PLCG2: variants seen among roughly 807,000 people sequenced by gnomAD.
PLCG2 encodes the protein phospholipase C gamma 2, also known as 1-phosphatidylinositol 4,5-bisphosphate phosphodiesterase gamma-2.
Under a neutral mutation model 175.6 loss-of-function variants are expected in PLCG2, and 69 were observed. The ratio of observed to expected loss-of-function variants is 0.39; its 90% CI spans 0.32 to 0.48. The LOEUF is 0.48. Ranked by LOEUF, PLCG2 falls within the 20% of genes least tolerant of loss-of-function variation. The pLI, the probability that PLCG2 is intolerant of heterozygous loss-of-function variation, is 0.91. For synonymous variants in PLCG2, 827 were observed against 624.0 expected (o/e 1.33, Z -4.85); for missense variants, 1,798 against 1,650.9 (o/e 1.09, Z -1.54).
chr16:81,806,521 C>T (rs1461883493), intron 2 of PLCG2, among the ~76,000 whole-genome samples: 1 of 152,106 alleles, frequency 6.6e-6, no homozygotes, highest in Non-Finnish European at 1.5e-5. Context: ...TTGCTTTTGA[C>T]CCAGGCAGCA....
intron 2 of PLCG2, among the ~76,000 whole-genome samples, chr16:81,815,522 T>C (rs1904505589): frequency 6.6e-6 from 1 of 152,222 alleles, no homozygotes; most frequent in African/African-American, 2.4e-5. Context: ...TGTTTTCTTC[T>C]TCAGCCTGCC....
chr16:81,947,181 G>A (rs190053208), intron 31 of PLCG2, among the ~76,000 whole-genome samples: 2 of 152,288 alleles, frequency 1.3e-5, no homozygotes, highest in South Asian at 2.1e-4. Flanking sequence ...GAGAAAATTA[G>A]TATATTTAAA....
At chr16:81,878,126 G>C (rs1907903459) in intron 7 of PLCG2, among the ~76,000 whole-genome samples, 1 of 151,542 alleles carries the variant, frequency 6.6e-6, no homozygotes, top group South Asian at 2.1e-4. Context: ...GGGACTACAG[G>C]CGCCCACCAC....
Position 81,959,082 on chromosome 16 carries a change from T to C in PLCG2, c.*1084T>C, listed in dbSNP as rs555057145. The C allele has an allele frequency of 1.2e-3, 269 of 223,532 alleles. 2 individuals carry two copies. Among genetic ancestry groups the C allele is most frequent in the African/African-American group, 5.4e-3 (244 of 44,910 alleles). The allele number at this position is 223,532 out of a possible 1,614,324, so 13.8% of individuals were successfully genotyped here. Reference sequence around the variant, plus strand: ...AAGTTGTTAATACATACCAATAATGTAATATGGCTTTTTAAAGGAGAGGAG... The same window carrying C: ...AAGTTGTTAATACATACCAATAATGCAATATGGCTTTTTAAAGGAGAGGAG... On this transcript the variant is annotated 3_prime_UTR_variant, in exon 33 of 33. Transcript: ENST00000564138.
chr16:81,921,718 A>G lies in PLCG2; in HGVS notation c.2307+449A>G, dbSNP rs1039284992. 7 of 247,224 alleles carry G rather than the reference A, an allele frequency of 2.8e-5. No homozygotes were observed. The South Asian group carries it at 2.9e-4, about 10-fold the overall frequency. The allele number at this position is 247,224 out of a possible 1,614,324, so 15.3% of individuals were successfully genotyped here. A position where few individuals can be genotyped will look rare whatever the true frequency, so the allele number is the denominator to read the frequency against. ...TTTCAGCCCTCGGCTCCTCCTTGCCATGCTTTCATCTCAAATTTAGTTTGA... is the reference window on the plus strand; with the variant it reads ...TTTCAGCCCTCGGCTCCTCCTTGCCGTGCTTTCATCTCAAATTTAGTTTGA... On this transcript the variant is annotated intron_variant, in intron 21 of 32. Coordinates refer to ENST00000564138, the MANE Select transcript of PLCG2 (RefSeq NM_002661.5).
chr16:81,810,190 C>T (rs985829759), intron 2 of PLCG2, among the ~76,000 whole-genome samples: 1 of 152,094 alleles, frequency 6.6e-6, no homozygotes, highest in Non-Finnish European at 1.5e-5. Context: ...GGGGTTTCAC[C>T]ATCTTGGCCA....
chr16:81,779,981 G>C (rs1411928069), intron 1 of PLCG2, among the ~76,000 whole-genome samples: 4 of 152,306 alleles, frequency 2.6e-5, no homozygotes, highest in Non-Finnish European at 5.9e-5. Context: ...GTCTGTGCGT[G>C]TTGTGTTTTG....
intron 6 of PLCG2, among the ~76,000 whole-genome samples, chr16:81,869,662 G>A (rs1021335781): frequency 2.6e-5 from 4 of 152,176 alleles, no homozygotes; most frequent in Admixed American, 6.5e-5. Flanking sequence ...AAGATTCCTT[G>A]TGTAGGGTAC....
intron 5 of PLCG2, among the ~76,000 whole-genome samples, chr16:81,866,365 A>G (rs60584170): frequency 2.7e-4 from 23 of 86,744 alleles, no homozygotes; most frequent in East Asian, 1.6e-3. Flanking sequence ...TCCCAGGTTG[A>G]GCTCCACTGG....
At chr16:81,804,588 A>T (rs920952698) in intron 2 of PLCG2, among the ~76,000 whole-genome samples, 1 of 152,232 alleles carries the variant, frequency 6.6e-6, no homozygotes, top group African/African-American at 2.4e-5. Flanking sequence ...TTTTGAAGTT[A>T]GTAACCTGTC....
At chr16:81,941,717 A>AGAT (rs1209190973) in intron 30 of PLCG2, among the ~76,000 whole-genome samples, 1 of 140,138 alleles carries the variant, frequency 7.1e-6, no homozygotes, top group African/African-American at 2.8e-5. Context: ...TTTTTTTTTG[A>AGAT]GATGGAGTCT....
intron 2 of PLCG2, among the ~76,000 whole-genome samples, chr16:81,828,867 C>T (rs74716750): frequency 0.016 from 2,365 of 152,062 alleles, 77 homozygotes; most frequent in African/African-American, 0.055. Context: ...TTCTGAATGC[C>T]GAGGTGGGTG....
At chr16:81,760,031 C>T (rs1298099942) in intron 2 of PLCG2, among the ~76,000 whole-genome samples, 1 of 152,184 alleles carries the variant, frequency 6.6e-6, no homozygotes, top group Non-Finnish European at 1.5e-5. Context: ...GAGGCTGAGG[C>T]AGGAGAATGG....
intron 13 of PLCG2, among the ~76,000 whole-genome samples, chr16:81,896,444 G>T (rs1908894657): frequency 6.7e-6 from 1 of 149,344 alleles, no homozygotes. Context: ...TGGGTGTAGT[G>T]GCATGTGCCT....
chr16:81,753,865 C>G (rs1183991220), intron 1 of PLCG2, among the ~76,000 whole-genome samples: 1 of 152,144 alleles, frequency 6.6e-6, no homozygotes, highest in Non-Finnish European at 1.5e-5. Flanking sequence ...GGGAGAGGGC[C>G]TGGGGAGTGG....
intron 1 of PLCG2, among the ~76,000 whole-genome samples, chr16:81,752,090 G>A (rs1909823673): frequency 6.6e-6 from 1 of 152,018 alleles, no homozygotes. Flanking sequence ...ATTTGAACCT[G>A]CAACTCTTCA....
intron 2 of PLCG2, among the ~76,000 whole-genome samples, chr16:81,761,488 G>T (rs1048500932): frequency 6.6e-6 from 1 of 152,194 alleles, no homozygotes; most frequent in Non-Finnish European, 1.5e-5. Flanking sequence ...GGTTAAGCTT[G>T]GGCAGCAGCC....
intron 2 of PLCG2, among the ~76,000 whole-genome samples, chr16:81,844,107 G>C (rs539830402): frequency 0.012 from 1,754 of 144,124 alleles, 20 homozygotes; most frequent in South Asian, 0.039. Context: ...CTCCCGAGTA[G>C]CTGGGACTAC....
At chr16:81,943,729 GTC>G (rs2143748262) in intron 30 of PLCG2, among the ~76,000 whole-genome samples, 1 of 152,286 alleles carries the variant, frequency 6.6e-6, no homozygotes, top group African/African-American at 2.4e-5. Context: ...AGAATTCTGA[GTC>G]TCTATCAAGG....
Sources: allele counts gnomAD v4.1 joint callset (sites outside exome capture counted in the v4.1 genomes callset), GRCh38; gene constraint gnomAD v4.1.1; transcripts MANE v1.5; gene names NCBI Gene and HGNC (gene_info 2026-07-23, HGNC 2026-07-21).